The following PTPRU variants were observed in gnomAD, a reference collection of about 807,000 sequenced individuals.
The protein encoded by PTPRU is protein tyrosine phosphatase receptor type U.
A neutral mutation model predicts 166.3 loss-of-function variants in PTPRU; 69 were observed. The ratio of observed to expected loss-of-function variants is 0.41; its 90% CI spans 0.34 to 0.51. PTPRU has a LOEUF of 0.51. PTPRU is among the 20% of genes least tolerant of loss of function. PTPRU has a pLI of 0.09. For synonymous variants in PTPRU, 793 were observed against 814.0 expected, an observed-to-expected ratio of 0.97 and a Z score of 0.44; for missense variants, 1,657 against 2,013.7, an observed-to-expected ratio of 0.82 and a Z score of 3.39.
At chr1:29,298,645 C>T (rs755120034) in intron 15 of PTPRU, among the ~76,000 whole-genome samples, 1 of 152,140 alleles carries the variant, frequency 6.6e-6, no homozygotes, top group Non-Finnish European at 1.5e-5. Flanking sequence ...CTGTGGGTGC[C>T]AGTCGGTGTT....
Position 29,260,373 on chromosome 1 carries a change from G to A in PTPRU, c.851-237G>A. ...GCGAGGATGTGGGGGATTAGGAGGG[G>A]CCTGAGAGAGGGGTTGTGGGCTGAT... On this transcript the variant is annotated intron_variant, in intron 6 of 29. Coordinates refer to ENST00000373779, the MANE Select transcript of PTPRU (RefSeq NM_133178.4). The surrounding 1 kb of genome is among the most constrained non-coding windows in gnomAD (Gnocchi z 8.3). 2 of 478,830 alleles carry A rather than the reference G, an allele frequency of 4.2e-6. No homozygotes were observed. Among genetic ancestry groups the A allele is most frequent in the South Asian group, 8.8e-5 (2 of 22,696 alleles). 29.7% of individuals were successfully genotyped at this position (478,830 alleles called of 1,614,324 possible). A position where few individuals can be genotyped will look rare whatever the true frequency, so the allele number is the denominator to read the frequency against.
rs2151953166 is a variant in PTPRU, at chr1:29,280,745, G to A, written c.1868+604G>A. Among the ~76,000 whole-genome samples the A allele has an allele frequency of 6.6e-6, 1 of 152,186 alleles. No individual in the cohort carries two copies. ...CATGGGATGTGTGGTGTGAGTGTGTGTGAGAGGCGTATATGGGAGACATAA... is the reference window on the plus strand; with the variant it reads ...CATGGGATGTGTGGTGTGAGTGTGTATGAGAGGCGTATATGGGAGACATAA... On this transcript the variant is annotated intron_variant, in intron 11 of 29. Transcript: ENST00000373779. The surrounding 1 kb of genome is among the most constrained non-coding windows in gnomAD (Gnocchi z 4.2).
Position 29,323,789 on chromosome 1 carries a change from G to A in PTPRU, c.4112+1G>A, listed in dbSNP as rs2151972460. 1 of 1,614,022 alleles carries A rather than the reference G, an allele frequency of 6.2e-7. No homozygotes were observed. Among genetic ancestry groups the A allele is most frequent in the Non-Finnish European group, 8.5e-7 (1 of 1,179,928 alleles). On this transcript the variant is annotated splice_donor_variant, in intron 28 of 29. Transcript: ENST00000373779. LOFTEE classifies it high-confidence loss of function. ...ATGGGCGCACCATCGTGCACTGCCT[G>A]TGAGTACCTGCCCTGTGGGAGGGCG... is the stretch of plus-strand genomic sequence containing the variant.
intron 7 of PTPRU, among the ~76,000 whole-genome samples, chr1:29,265,146 G>A (rs138040533): frequency 2.6e-5 from 4 of 151,974 alleles, no homozygotes; most frequent in African/African-American, 9.7e-5. Flanking sequence ...GAGTCATATG[G>A]TGATTGCATG....
At chr1:29,243,537 G>T (rs1210536370) in intron 1 of PTPRU, among the ~76,000 whole-genome samples, 1 of 152,224 alleles carries the variant, frequency 6.6e-6, no homozygotes, top group African/African-American at 2.4e-5. Flanking sequence ...CGTGGTGGGG[G>T]TGGGGGATCT....
At chr1:29,295,610 C>T (rs994749679) in intron 15 of PTPRU, among the ~76,000 whole-genome samples, 2 of 152,112 alleles carry the variant, frequency 1.3e-5, no homozygotes, top group African/African-American at 4.8e-5. Context: ...AAATGGTACA[C>T]TTTTCAAATA....
chr1:29,254,325 C>CT (rs1684678648), intron 1 of PTPRU, among the ~76,000 whole-genome samples: 1 of 152,162 alleles, frequency 6.6e-6, no homozygotes, highest in Non-Finnish European at 1.5e-5. Flanking sequence ...CAGCTCAGGC[C>CT]TTTGATGAAC....
At chr1:29,302,429 C>A (rs1687180758) in intron 15 of PTPRU, among the ~76,000 whole-genome samples, 1 of 152,312 alleles carries the variant, frequency 6.6e-6, no homozygotes, top group Non-Finnish European at 1.5e-5. Context: ...CAGTAGCGTA[C>A]AGGAATGTCC....
Position 29,238,539 on chromosome 1 carries a change from C to T in PTPRU, c.73+1822C>T, listed in dbSNP as rs958396816. 1.4e-4 allele frequency among the ~76,000 whole-genome samples: 21 copies of T among 152,212 alleles called. No homozygotes were observed. Among genetic ancestry groups the T allele is most frequent in the African/African-American group, 5.1e-4 (21 of 41,456 alleles). On this transcript the variant is annotated intron_variant, in intron 1 of 29. Coordinates refer to ENST00000373779, the MANE Select transcript of PTPRU (RefSeq NM_133178.4). This position sits in a 1 kb window ranked among gnomAD's most constrained non-coding sequence, Gnocchi z 6.1. ...GGCCCTGCTGCTGGCTCCGGTGTCT[C>T]GGGCCGGAACTCCTGTGGCTCCAGC...
At chr1:29,312,310 A>G (rs1357808769) in intron 21 of PTPRU, among the ~76,000 whole-genome samples, 1 of 152,196 alleles carries the variant, frequency 6.6e-6, no homozygotes, top group Non-Finnish European at 1.5e-5. Flanking sequence ...CAGGCAGACC[A>G]TTGTCCAAAT....
intron 17 of PTPRU, 27 bp from the exon 18 acceptor site, chr1:29,305,325 C>T: frequency 2.5e-6 from 4 of 1,612,222 alleles, no homozygotes; most frequent in Non-Finnish European, 2.5e-6. Context: ...CCAGTTCAGC[C>T]CCTGCCCACC....
In PTPRU at chr1:29,317,838, G is replaced by C. The variant is rs142593689; in HGVS notation, c.3604G>C (p.Val1202Leu). 1 of 1,613,740 alleles carries C rather than the reference G, an allele frequency of 6.2e-7. No individual in the cohort carries two copies. Among genetic ancestry groups the C allele is most frequent in the Non-Finnish European group, 8.5e-7 (1 of 1,180,042 alleles). The change falls in exon 25 of 30, where the codon GTC becomes CTC. Residue 1202 changes from valine (V) to leucine (L), a missense_variant. Physicochemically the swap from Val to Leu is conservative, Grantham distance 32. Transcript: ENST00000373779. This position sits in a 1 kb window ranked among gnomAD's most constrained non-coding sequence, Gnocchi z 5.6. Reference protein sequence around the residue: ...RNRDKNRSMDVLPPDRCLPFL... With the variant: ...RNRDKNRSMDLLPPDRCLPFL... ...CCGCGACAAGAACCGCAGCATGGAC[G>C]TCCTGCCGCCCGACCGCTGCCTGCC... is the stretch of plus-strand genomic sequence containing the variant.
chr1:29,304,057 C>T lies in PTPRU; in HGVS notation c.2667+12C>T. 1.3e-6 allele frequency: 2 copies of T among 1,594,612 alleles called. No homozygotes were observed. The highest frequency in any genetic ancestry group is 2.3e-5 in the East Asian group (1 of 44,372). On this transcript the variant is annotated intron_variant, in intron 16 of 29. Coordinates refer to ENST00000373779, the MANE Select transcript of PTPRU (RefSeq NM_133178.4). Reference sequence around the variant, plus strand: ...AGCAGGAGTATGAGGTGCACGCCGGCCCCGGGCCAGCAGGATCCCTGCAGA... The same window carrying T: ...AGCAGGAGTATGAGGTGCACGCCGGTCCCGGGCCAGCAGGATCCCTGCAGA...
chr1:29,292,049 C>T (rs1307037999), intron 15 of PTPRU, 23 bp downstream of exon 15: 1 of 1,612,388 alleles, frequency 6.2e-7, no homozygotes, highest in South Asian at 1.1e-5. Context: ...CCCTCCTACC[C>T]CTTCTTCATG....
In PTPRU at chr1:29,251,298, A is replaced by G. The variant is rs72884564; in HGVS notation, c.74-3977A>G. 1.4e-3 allele frequency among the ~76,000 whole-genome samples: 209 copies of G among 151,906 alleles called. 2 individuals carry two copies. The highest frequency in any genetic ancestry group is 4.7e-3 in the African/African-American group (194 of 41,452). The stretch of plus-strand genomic sequence containing the variant: ...TCACTCTGGATGCGGTCAGTCAGTC[A>G]GCCCATCCAGAGTGACTCCTTGGAG... On this transcript the variant is annotated intron_variant, in intron 1 of 29. Transcript: ENST00000373779.
Position 29,280,283 on chromosome 1 carries a change from T to C in PTPRU, c.1868+142T>C, listed in dbSNP as rs1686003998. ...AGGGCTTGGAGTGTCTGGAGGAGAT[T>C]GTTCTGTGATGCTTGGCAGGCAAGA... On this transcript the variant is annotated intron_variant, in intron 11 of 29. Transcript: ENST00000373779. This position sits in a 1 kb window ranked among gnomAD's most constrained non-coding sequence, Gnocchi z 4.2. The C allele has an allele frequency of 1.2e-6, 1 of 801,498 alleles. No individual in the cohort carries two copies. The highest frequency in any genetic ancestry group is 1.8e-5 in the South Asian group (1 of 55,096). The allele number at this position is 801,498 out of a possible 1,614,324, so 49.6% of individuals were successfully genotyped here.
intron 1 of PTPRU, among the ~76,000 whole-genome samples, chr1:29,240,842 G>A (rs964576163): frequency 5.4e-5 from 7 of 129,960 alleles, no homozygotes; most frequent in African/African-American, 2.0e-4. Context: ...GAAGCTTCCT[G>A]GAAGACCCTC....
chr1:29,269,065 G>A (rs1685422726), intron 7 of PTPRU, among the ~76,000 whole-genome samples: 1 of 151,186 alleles, frequency 6.6e-6, no homozygotes, highest in African/African-American at 2.4e-5. Context: ...TTAGAGACAG[G>A]GTCTCACTCT....
At chr1:29,256,699 G>C (rs75011002) in intron 2 of PTPRU, among the ~76,000 whole-genome samples, 1 of 152,326 alleles carries the variant, frequency 6.6e-6, no homozygotes, top group East Asian at 1.9e-4. Flanking sequence ...AAAATAATCT[G>C]TAAAGGTACC....
Sources: gnomAD v4.1 joint callset for allele counts (sites outside exome capture counted in the v4.1 genomes callset) on GRCh38, gnomAD v4.1.1 for gene constraint, Gnocchi (gnomAD v3.1) non-coding constraint, MANE v1.5 for transcripts, NCBI Gene and HGNC (gene_info 2026-07-23, HGNC 2026-07-21) for gene names.